Variants in POFUT3 observed in about 807,000 individuals in gnomAD.
The protein encoded by POFUT3 is GDP-fucose protein O-fucosyltransferase 3.
the POFUT3 span, among the ~76,000 whole-genome samples, chr8:33,397,246 A>G: frequency 8.5e-5 from 13 of 152,242 alleles, no homozygotes; most frequent in Non-Finnish European, 1.8e-4. Flanking sequence ...CAAGCACGAA[A>G]CAAAATTCAG....
the POFUT3 span, among the ~76,000 whole-genome samples, chr8:33,445,494 G>A: frequency 6.6e-6 from 1 of 152,188 alleles, no homozygotes; most frequent in South Asian, 2.1e-4. Flanking sequence ...GAAGCCTTAG[G>A]AGACACCCAG....
At chr8:33,460,473 T>G in the POFUT3 span, among the ~76,000 whole-genome samples, 1 of 152,230 alleles carries the variant, frequency 6.6e-6, no homozygotes, top group Non-Finnish European at 1.5e-5. Flanking sequence ...ACACAGTCCT[T>G]GGTCTAGAAG....
chr8:33,354,906 A>G, the POFUT3 span, among the ~76,000 whole-genome samples: 1 of 152,230 alleles, frequency 6.6e-6, no homozygotes, highest in East Asian at 1.9e-4. Context: ...GTCATTTCCC[A>G]TAACTATAAT....
At chr8:33,380,047 A>G in the POFUT3 span, among the ~76,000 whole-genome samples, 1 of 81,114 alleles carries the variant, frequency 1.2e-5, no homozygotes, top group Non-Finnish European at 2.1e-5. Flanking sequence ...TACGATATAT[A>G]TACACTATAT....
At chr8:33,368,717 A>G in the POFUT3 span, among the ~76,000 whole-genome samples, 2 of 152,176 alleles carry the variant, frequency 1.3e-5, no homozygotes, top group African/African-American at 4.8e-5. Flanking sequence ...TCCTAGTTAC[A>G]CTTCAAATCT....
the POFUT3 span, among the ~76,000 whole-genome samples, chr8:33,451,206 G>A: frequency 1.3e-5 from 2 of 151,854 alleles, no homozygotes; most frequent in Non-Finnish European, 2.9e-5. Flanking sequence ...TTATACCATT[G>A]AGAATCCCAA....
the POFUT3 span, among the ~76,000 whole-genome samples, chr8:33,425,251 C>T: frequency 6.6e-6 from 1 of 151,962 alleles, no homozygotes; most frequent in Non-Finnish European, 1.5e-5. Context: ...GGAGGATTGC[C>T]TGAGCCCAGG....
the POFUT3 span, among the ~76,000 whole-genome samples, chr8:33,379,901 CTATA>C: frequency 1.7e-4 from 20 of 116,958 alleles, no homozygotes; most frequent in Non-Finnish European, 8.3e-5. Flanking sequence ...TACATATACA[CTATA>C]TATATGCTAT....
At chr8:33,366,607 C>A in the POFUT3 span, among the ~76,000 whole-genome samples, 1 of 152,146 alleles carries the variant, frequency 6.6e-6, no homozygotes, top group Admixed American at 6.5e-5. Context: ...CACCAATCTC[C>A]TCAGGAAAGT....
At chr8:33,388,767 G>T in the POFUT3 span, 2 of 589,942 alleles carry the variant, frequency 3.4e-6, no homozygotes, top group East Asian at 2.8e-5. Context: ...AGGAATGAAG[G>T]CCTGTCCAGG....
the POFUT3 span, among the ~76,000 whole-genome samples, chr8:33,407,694 C>G: frequency 6.6e-6 from 1 of 152,160 alleles, no homozygotes; most frequent in Non-Finnish European, 1.5e-5. Flanking sequence ...TCCTTTGTAG[C>G]TGAGAGCCTT....
At chr8:33,470,845 A>G in the POFUT3 span, among the ~76,000 whole-genome samples, 2 of 152,162 alleles carry the variant, frequency 1.3e-5, no homozygotes, top group African/African-American at 4.8e-5. Flanking sequence ...TCCCAAAACT[A>G]AGCTCTCTCA....
the POFUT3 span, among the ~76,000 whole-genome samples, chr8:33,323,197 G>T: frequency 6.6e-6 from 1 of 152,178 alleles, no homozygotes; most frequent in Non-Finnish European, 1.5e-5. Flanking sequence ...TGACTTAGCA[G>T]CTGGTCCTAG....
the POFUT3 span, among the ~76,000 whole-genome samples, chr8:33,378,917 G>A: frequency 1.3e-5 from 2 of 152,204 alleles, no homozygotes; most frequent in Middle Eastern, 6.8e-3. Context: ...TTGGCTTTGT[G>A]TCCCCACCCA....
At chr8:33,316,686 G>T in the POFUT3 span, among the ~76,000 whole-genome samples, 1 of 151,678 alleles carries the variant, frequency 6.6e-6, no homozygotes, top group Non-Finnish European at 1.5e-5. Flanking sequence ...AGGTTGCAAT[G>T]AGCCAAGATT....
chr8:33,458,303 A>T, the POFUT3 span, among the ~76,000 whole-genome samples: 2 of 152,348 alleles, frequency 1.3e-5, no homozygotes, highest in South Asian at 4.1e-4. Context: ...AAGCGACTTC[A>T]TCTGCAGTAT....
chr8:33,359,158 T>G, the POFUT3 span, among the ~76,000 whole-genome samples: 1 of 152,166 alleles, frequency 6.6e-6, no homozygotes. Flanking sequence ...TTAAAAGCAA[T>G]GATGCAAATG....
At chr8:33,334,167 A>G in the POFUT3 span, among the ~76,000 whole-genome samples, 1 of 151,994 alleles carries the variant, frequency 6.6e-6, no homozygotes, top group Non-Finnish European at 1.5e-5. Flanking sequence ...AGTGCTTCTC[A>G]CACTTACTTG....
chr8:33,314,595 C>A, the POFUT3 span, among the ~76,000 whole-genome samples: 8 of 152,174 alleles, frequency 5.3e-5, no homozygotes, highest in East Asian at 3.8e-4. Flanking sequence ...GGATCAGTAA[C>A]TAGCACATAG....
Sources: allele counts gnomAD v4.1 joint callset (sites outside exome capture counted in the v4.1 genomes callset), GRCh38; gene constraint gnomAD v4.1.1; transcripts MANE v1.5; gene names NCBI Gene and HGNC (gene_info 2026-07-23, HGNC 2026-07-21).